Variants in WT1 observed in about 807,000 individuals in gnomAD.
WT1 encodes WT1 transcription factor, also known as Wilms tumor protein.
In WT1, 8 loss-of-function variants were observed where a neutral mutation model predicts 60.8. The ratio of observed to expected loss-of-function variants is 0.13; its 90% CI spans 0.08 to 0.24. The LOEUF is 0.24. WT1 is among the 10% of genes least tolerant of loss of function. The probability of loss-of-function intolerance (pLI) is 1.00; values close to 1 mark genes in which losing one functional copy is unlikely to be tolerated. For missense variants in WT1, 568 were observed against 711.8 expected, an observed-to-expected ratio of 0.80 and a Z score of 2.30; for synonymous variants, 312 against 297.1, an observed-to-expected ratio of 1.05 and a Z score of -0.52.
At chr11:32,407,384 C>T (rs976894919) in intron 5 of WT1, among the ~76,000 whole-genome samples, 8 of 152,032 alleles carry the variant, frequency 5.3e-5, no homozygotes, top group South Asian at 4.2e-4. Flanking sequence ...AAACCAGAGC[C>T]GCCCTGGAAT....
chr11:32,434,670 C>A (rs1282372106), intron 1 of WT1, 30 bp downstream of exon 1: 1 of 1,612,348 alleles, frequency 6.2e-7, no homozygotes, highest in Non-Finnish European at 8.5e-7. Context: ...CACTGCCCCG[C>A]GCGTAGGGGG....
At chr11:32,434,630 G>C in intron 1 of WT1, 70 bp downstream of exon 1, 3 of 1,608,234 alleles carry the variant, frequency 1.9e-6, no homozygotes, top group Admixed American at 1.7e-5. Context: ...TAGGAGAGGG[G>C]GGTGTCCTAG....
intron 1 of WT1, among the ~76,000 whole-genome samples, chr11:32,430,125 C>A (rs1478863368): frequency 6.6e-6 from 1 of 152,028 alleles, no homozygotes; most frequent in Non-Finnish European, 1.5e-5. Context: ...TTAAGTCTCA[C>A]ACACTGCTCA....
At chr11:32,429,641 A>G (rs1348320025) in intron 1 of WT1, among the ~76,000 whole-genome samples, 1 of 152,170 alleles carries the variant, frequency 6.6e-6, no homozygotes, top group African/African-American at 2.4e-5. Flanking sequence ...CCGGAACCCA[A>G]GGATGGGGTC....
At chr11:32,397,606 C>T (rs546824048) in intron 6 of WT1, among the ~76,000 whole-genome samples, 1 of 151,938 alleles carries the variant, frequency 6.6e-6, no homozygotes, top group East Asian at 1.9e-4. Context: ...AGGTGTGAGC[C>T]ACCATGCCTG....
rs578175980 is a variant in WT1, at chr11:32,403,402, A to G, written c.1017-3358T>C. 2.1e-4 allele frequency among the ~76,000 whole-genome samples: 32 copies of G among 152,236 alleles called. No individual in the cohort carries two copies. In the South Asian group the frequency reaches 3.5e-3, roughly 17 times the overall value. ...GAAAGGATCCAGAAAGGCCATCTAC[A>G]CCAACCCCCATTTGGAGCAGAAATC... On this transcript the variant is annotated intron_variant, in intron 5 of 9. Transcript: ENST00000452863.
intron 9 of WT1, 85 bp from the exon 10 acceptor site, chr11:32,389,264 C>A: frequency 3.1e-6 from 5 of 1,606,038 alleles, no homozygotes; most frequent in African/African-American, 2.7e-5. Context: ...GAAGTCATCA[C>A]AAGGCACCCA....
chr11:32,405,114 G>A (rs965116913), intron 5 of WT1, among the ~76,000 whole-genome samples: 2 of 152,150 alleles, frequency 1.3e-5, no homozygotes, highest in East Asian at 1.9e-4. Flanking sequence ...TCCTATAGGG[G>A]CCAAGTAAGA....
chr11:32,414,872 CAAA>C (rs551997180), intron 5 of WT1, among the ~76,000 whole-genome samples: 13 of 88,712 alleles, frequency 1.5e-4, no homozygotes, highest in Non-Finnish European at 1.3e-4. Flanking sequence ...GACTCCATAT[CAAA>C]AAAAAAAAAA....
At chr11:32,425,900 C>T (rs1033130302) in intron 3 of WT1, among the ~76,000 whole-genome samples, 6 of 152,154 alleles carry the variant, frequency 3.9e-5, no homozygotes, top group Admixed American at 1.3e-4. Flanking sequence ...GATTAGAAAA[C>T]GTGAAAATTT....
Position 32,396,335 on chromosome 11 carries a change from A to G in WT1, c.1186T>C (p.Phe396Leu). 6.2e-7 allele frequency: 1 copy of G among 1,614,186 alleles called. No homozygotes were observed. The highest frequency in any genetic ancestry group is 1.1e-5 in the South Asian group (1 of 91,080). ...TTGCAGCCTGGGTAAGCACACATGA[A>G]GGGGCGTTTCTCACTGGTCTCAGAT... The change falls in exon 7 of 10, where the codon TTC (phenylalanine) becomes CTC (leucine). Residue 396 changes from phenylalanine to leucine, a missense_variant. Phe to Leu is a conservative substitution (Grantham distance 22). Transcript: ENST00000452863.
intron 7 of WT1, among the ~76,000 whole-genome samples, chr11:32,392,996 T>A (rs990951398): frequency 2.8e-5 from 4 of 140,674 alleles, no homozygotes; most frequent in African/African-American, 1.1e-4. Context: ...AAGCCCTGGG[T>A]GAGGTGTGGT....
chr11:32,430,608 CCG>C, intron 1 of WT1: 1 of 1,572,394 alleles, frequency 6.4e-7, no homozygotes, highest in South Asian at 1.2e-5. Context: ...CCGCAACTGT[CCG>C]TGCCCGGCGA....
chr11:32,431,305 C>A (rs1853301171), intron 1 of WT1, among the ~76,000 whole-genome samples: 1 of 152,210 alleles, frequency 6.6e-6, no homozygotes, highest in African/African-American at 2.4e-5. Context: ...GAAGAGGGAG[C>A]CTTTGGCCCT....
Position 32,430,765 on chromosome 11 carries a change from C to T in WT1, c.662-2146G>A, listed in dbSNP as rs1853277488. 5 of 1,331,682 alleles carry T rather than the reference C, an allele frequency of 3.8e-6. No individual in the cohort carries two copies. The South Asian group carries it at 1.2e-4, about 32-fold the overall frequency. 82.5% of individuals were successfully genotyped at this position (1,331,682 alleles called of 1,614,324 possible). On this transcript the variant is annotated intron_variant, in intron 1 of 9. Transcript: ENST00000452863. ...GCAGACCTCGGCGGGCAAAGACCGGCCTCAAACCCTCTCCTTCAGGTCCCC... is the reference window on the plus strand; with the variant it reads ...GCAGACCTCGGCGGGCAAAGACCGGTCTCAAACCCTCTCCTTCAGGTCCCC...
chr11:32,429,674 G>T (rs1853204015), intron 1 of WT1, among the ~76,000 whole-genome samples: 1 of 152,136 alleles, frequency 6.6e-6, no homozygotes, highest in Non-Finnish European at 1.5e-5. Context: ...AAGTTCCGGA[G>T]TCTGTGGCCT....
intron 1 of WT1, among the ~76,000 whole-genome samples, chr11:32,429,989 A>G (rs1853220038): frequency 7.6e-6 from 1 of 130,810 alleles, no homozygotes. Flanking sequence ...AAAAAAAAAA[A>G]AAGAAAAAGA....
intron 7 of WT1, among the ~76,000 whole-genome samples, chr11:32,393,519 G>A (rs1851878406): frequency 6.6e-6 from 1 of 152,202 alleles, no homozygotes; most frequent in Non-Finnish European, 1.5e-5. Context: ...ACAGGCATCT[G>A]GGATGGAAAC....
chr11:32,425,221 G>A (rs903142435), intron 3 of WT1, among the ~76,000 whole-genome samples: 1 of 151,458 alleles, frequency 6.6e-6, no homozygotes, highest in Non-Finnish European at 1.5e-5. Context: ...AAAAAGTTTG[G>A]TGAGGGAGGG....
Sources: allele counts gnomAD v4.1 joint callset (sites outside exome capture counted in the v4.1 genomes callset), GRCh38; gene constraint gnomAD v4.1.1; transcripts MANE v1.5; gene names NCBI Gene and HGNC (gene_info 2026-07-23, HGNC 2026-07-21).